The following BUB1 variants were observed in gnomAD, a reference collection of about 807,000 sequenced individuals.
BUB1 encodes the protein BUB1 mitotic checkpoint serine/threonine kinase.
BUB1 carries 84 observed loss-of-function variants against 135.2 expected under a neutral mutation model. That is an observed-to-expected ratio of 0.62 (90% CI 0.52 to 0.74). The LOEUF is 0.74. BUB1 is among the 30% of genes least tolerant of loss of function. The pLI is 0.00. For missense variants in BUB1, 1,162 were observed against 1,288.3 expected (o/e 0.90, Z 1.50); for synonymous variants, 403 against 434.4 (o/e 0.93, Z 0.90).
chr2:110,641,972 T>G (rs777879454), intron 20 of BUB1, 147 bp downstream of exon 20: 15 of 1,014,400 alleles, frequency 1.5e-5, no homozygotes, highest in Non-Finnish European at 1.9e-5. Context: ...GGAAAAAAAT[T>G]CTAAATCTTT....
chr2:110,642,769 C>A, intron 19 of BUB1: 1 of 152,472 alleles, frequency 6.6e-6, no homozygotes, highest in East Asian at 1.9e-4. Flanking sequence ...ATAGCTCACT[C>A]CAGCTTTGAC....
At chr2:110,677,488 T>C (rs780428725) in intron 1 of BUB1, among the ~76,000 whole-genome samples, 2 of 152,220 alleles carry the variant, frequency 1.3e-5, no homozygotes, top group Non-Finnish European at 2.9e-5. Flanking sequence ...GCTATTTTTT[T>C]TCAATTTTTT....
Position 110,658,520 on chromosome 2 carries a change from C to G in BUB1, c.1406G>C (p.Gly469Ala), listed in dbSNP as rs745585708. ...SPTVHTKEAL[G>A]FIMNMFQAPT... ...AGCCTGAAACATATTCATGATGAAA[C>G]CTTAAAGAACAAAAAGAATAATTGT... Residue 469 changes from glycine (G) to alanine (A), a missense_variant and splice_region_variant, in exon 13 of 25, where the codon GGT becomes GCT. Coordinates refer to ENST00000302759, the MANE Select transcript of BUB1 (RefSeq NM_004336.5). 1 of 1,613,602 alleles carries G rather than the reference C, an allele frequency of 6.2e-7. No homozygotes were observed. The highest frequency in any genetic ancestry group is 1.1e-5 in the South Asian group (1 of 90,998).
intron 24 of BUB1, 23 bp downstream of exon 24, chr2:110,639,719 A>C: frequency 6.5e-7 from 1 of 1,538,314 alleles, no homozygotes; most frequent in Non-Finnish European, 9.0e-7. Context: ...TCTTTTCACT[A>C]CAGCACCAAT....
intron 1 of BUB1, chr2:110,675,184 C>T (rs950919172): frequency 6.6e-6 from 1 of 152,226 alleles, no homozygotes. Flanking sequence ...CCAGGCAAAG[C>T]AAAATTCCCC....
chr2:110,640,543 T>C (rs1689475057), intron 23 of BUB1, among the ~76,000 whole-genome samples: 1 of 152,252 alleles, frequency 6.6e-6, no homozygotes, highest in Non-Finnish European at 1.5e-5. Context: ...GATCCATTTC[T>C]TGATCTGGCC....
chr2:110,655,481 A>G (rs1689904553), intron 16 of BUB1, among the ~76,000 whole-genome samples: 1 of 152,232 alleles, frequency 6.6e-6, no homozygotes, highest in African/African-American at 2.4e-5. Context: ...AAATGCTTCT[A>G]TAGATTTTCT....
In BUB1 at chr2:110,669,501, T is replaced by C. The variant is rs775852718; in HGVS notation, c.519A>G (p.Thr173=). The C allele has an allele frequency of 6.2e-6, 10 of 1,609,372 alleles. No homozygotes were observed. Among genetic ancestry groups the C allele is most frequent in the South Asian group, 2.2e-5 (2 of 90,970 alleles). ...HNVQVLNQMI[T]SKSNPGNNMA... is the part of the protein sequence containing the mutation. ...TGTTATTTCCTGGATTTGATTTTGA[T>C]GTTATCATTTGATTTAAAACCTGAA... Residue 173 remains threonine, a synonymous_variant, in exon 6 of 25, where the codon ACA becomes ACG. Transcript: ENST00000302759.
chr2:110,659,874 G>T, intron 11 of BUB1, 104 bp downstream of exon 11: 1 of 785,066 alleles, frequency 1.3e-6, no homozygotes, highest in Non-Finnish European at 2.0e-6. Context: ...TAACACTCAG[G>T]TTCATTAAGG....
chr2:110,640,213 C>T (rs1346176455), intron 23 of BUB1, among the ~76,000 whole-genome samples: 2 of 152,146 alleles, frequency 1.3e-5, no homozygotes, highest in Non-Finnish European at 2.9e-5. Flanking sequence ...CCCCCATGGC[C>T]TCTTGTTGTG....
intron 1 of BUB1, among the ~76,000 whole-genome samples, chr2:110,676,192 T>G (rs1191606351): frequency 6.6e-6 from 1 of 152,098 alleles, no homozygotes; most frequent in East Asian, 1.9e-4. Flanking sequence ...TTAACCTATT[T>G]TTTTTTAATG....
chr2:110,638,191 A>G, intron 24 of BUB1, 32 bp from the exon 25 acceptor site: 1 of 1,533,214 alleles, frequency 6.5e-7, no homozygotes, highest in Non-Finnish European at 8.8e-7. Context: ...TAATGGCTAA[A>G]ATGTAGCCTT....
At position 110,655,877 on chromosome 2, in the gene BUB1, T is replaced by C; in HGVS notation, c.1738A>G (p.Thr580Ala). 1.2e-6 allele frequency: 2 copies of C among 1,613,814 alleles called. No homozygotes were observed. The highest frequency in any genetic ancestry group is 1.7e-6 in the Non-Finnish European group (2 of 1,179,786). Residue 580 changes from threonine to alanine, a missense_variant, in exon 16 of 25, where the codon ACT becomes GCT. Physicochemically the swap from Thr to Ala is moderately conservative, Grantham distance 58 (BLOSUM62 0). Transcript: ENST00000302759. ...PHAEEFLDDS[T>A]VWGIRCNKTL... ...TTGTTGCAGCGAATACCCCATACAG[T>C]TGAGTCATCCAAAAACTCTTCAGCA...
At position 110,666,434 on chromosome 2, in the gene BUB1, G is replaced by A; in HGVS notation, c.806-20C>T. 1 of 1,341,062 alleles carries A rather than the reference G, an allele frequency of 7.5e-7. No homozygotes were observed. Among genetic ancestry groups the A allele is most frequent in the Non-Finnish European group, 9.7e-7 (1 of 1,034,014 alleles). 83.1% of individuals were successfully genotyped at this position (1,341,062 alleles called of 1,614,324 possible). A position where few individuals can be genotyped will look rare whatever the true frequency, so the allele number is the denominator to read the frequency against. ...CATTTACTTTAGGAAAGATAGAAAT[G>A]GTTTGCATGCAAAATTTAAATCCAG... is the stretch of plus-strand genomic sequence containing the variant. On this transcript the variant is annotated intron_variant, in intron 8 of 24. Coordinates refer to ENST00000302759, the MANE Select transcript of BUB1 (RefSeq NM_004336.5).
Position 110,672,733 on chromosome 2 carries a change from T to A in BUB1, c.350A>T (p.His117Leu). 6.2e-7 allele frequency: 1 copy of A among 1,614,126 alleles called. No individual in the cohort carries two copies. Among genetic ancestry groups the A allele is most frequent in the Non-Finnish European group, 8.5e-7 (1 of 1,180,000 alleles). ...GHLEAQGELQ[H>L]ASAVLQRGIQ... is the part of the protein sequence containing the mutation. ...TCCTCTCTGAAGGACAGCACTGGCA[T>A]GCTGCAGCTCTCCTTGGGCTTCCAG... Residue 117 changes from histidine (H) to leucine (L), a missense_variant, in exon 4 of 25, where the codon CAT becomes CTT. Coordinates refer to ENST00000302759, the MANE Select transcript of BUB1 (RefSeq NM_004336.5).
intron 19 of BUB1, among the ~76,000 whole-genome samples, chr2:110,646,249 T>C (rs1689643743): frequency 6.6e-6 from 1 of 150,410 alleles, no homozygotes; most frequent in Non-Finnish European, 1.5e-5. Flanking sequence ...GGCCAAAGGA[T>C]TGCTTGAATC....
chr2:110,668,184 T>C (rs746098895), intron 6 of BUB1, among the ~76,000 whole-genome samples: 5 of 152,130 alleles, frequency 3.3e-5, no homozygotes, highest in Non-Finnish European at 1.5e-5. Context: ...CATTATGGGA[T>C]TGACATTCCC....
Position 110,667,659 on chromosome 2 carries a change from A to G in BUB1, c.667T>C (p.Ser223Pro). Residue 223 changes from serine to proline, a missense_variant, in exon 8 of 25, where the codon TCA (serine) becomes CCA (proline). Transcript: ENST00000302759. ...ACATCAACTTTGGATGCCAAAGATGAGTGCACAGAATATTCTGATTTAGAA... is the reference window on the plus strand; with the variant it reads ...ACATCAACTTTGGATGCCAAAGATGGGTGCACAGAATATTCTGATTTAGAA... Reference protein sequence around the residue: ...TISKSEYSVHSSLASKVDVEQ... With the variant: ...TISKSEYSVHPSLASKVDVEQ... 1 of 1,613,846 alleles carries G rather than the reference A, an allele frequency of 6.2e-7. No individual in the cohort carries two copies. The highest frequency in any genetic ancestry group is 8.5e-7 in the Non-Finnish European group (1 of 1,179,936).
At chr2:110,638,403 G>T (rs961831687) in intron 24 of BUB1, among the ~76,000 whole-genome samples, 2 of 152,130 alleles carry the variant, frequency 1.3e-5, no homozygotes, top group African/African-American at 2.4e-5. Flanking sequence ...TAGCAATACT[G>T]CAAGTCAAAA....
Sources: allele counts gnomAD v4.1 joint callset (sites outside exome capture counted in the v4.1 genomes callset), GRCh38; gene constraint gnomAD v4.1.1; transcripts MANE v1.5; gene names NCBI Gene and HGNC (gene_info 2026-07-23, HGNC 2026-07-21).